The following TUB variants were observed in gnomAD, a reference collection of about 807,000 sequenced individuals.
TUB encodes the protein TUB bipartite transcription factor, also known as tubby protein homolog.
TUB carries 33 observed loss-of-function variants against 59.7 expected under a neutral mutation model. That is an observed-to-expected ratio of 0.55 (90% CI 0.42 to 0.74). The LOEUF is 0.74. Ranked by LOEUF, TUB falls within the 30% of genes least tolerant of loss-of-function variation. The pLI is 0.00. For missense variants in TUB, 659 were observed against 672.0 expected, an observed-to-expected ratio of 0.98 and a Z score of 0.21; for synonymous variants, 293 against 256.4, an observed-to-expected ratio of 1.14 and a Z score of -1.36.
intron 1 of TUB, chr11:8,039,430 ACTGC>A (rs56870342): frequency 5.0e-4 from 220 of 440,896 alleles, no homozygotes; most frequent in African/African-American, 1.9e-3. Context: ...CCTCATCTGG[ACTGC>A]CTGCCTGCCT....
chr11:8,071,186 C>G (rs1221266920), intron 2 of TUB, among the ~76,000 whole-genome samples: 1 of 152,114 alleles, frequency 6.6e-6, no homozygotes, highest in Non-Finnish European at 1.5e-5. Context: ...CCTGCGCTGC[C>G]ATCTGTCTTC....
intron 1 of TUB, among the ~76,000 whole-genome samples, chr11:8,030,654 G>A (rs1942556215): frequency 6.6e-6 from 1 of 152,174 alleles, no homozygotes; most frequent in Admixed American, 6.5e-5. Flanking sequence ...GCAGATTTCT[G>A]CAGGTGAACA....
At chr11:8,087,700 C>T (rs1178069333) in intron 1 of TUB, among the ~76,000 whole-genome samples, 1 of 152,250 alleles carries the variant, frequency 6.6e-6, no homozygotes, top group Non-Finnish European at 1.5e-5. Flanking sequence ...GGGTCTGACC[C>T]TTTCAAGTCC....
Position 8,100,831 on chromosome 11 carries a change from T to C in TUB, c.1221T>C (p.His407=), listed in dbSNP as rs745595554. Residue 407 remains histidine (H), a synonymous_variant, in exon 11 of 12, where the codon CAT becomes CAC. Coordinates refer to ENST00000299506, the MANE Select transcript of TUB (RefSeq NM_177972.3). ...AGGTGAGGCTGCCCTCCCAGGAGCATGAGACACTGCTAGCACGCTGGCAGA... is the reference window on the plus strand; with the variant it reads ...AGGTGAGGCTGCCCTCCCAGGAGCACGAGACACTGCTAGCACGCTGGCAGA... ...ERVSIRPRNE[H]ETLLARWQNK... 1 of 1,613,934 alleles carries C rather than the reference T, an allele frequency of 6.2e-7. No individual in the cohort carries two copies. The highest frequency in any genetic ancestry group is 1.1e-5 in the South Asian group (1 of 91,068).
chr11:8,077,085 G>A (rs1943462886), upstream of TUB: 1 of 152,134 alleles, frequency 6.6e-6, no homozygotes, highest in African/African-American at 2.4e-5. Flanking sequence ...TCTGTTTTAG[G>A]GCTGGCTCAT....
intron 2 of TUB, among the ~76,000 whole-genome samples, chr11:8,051,137 A>C (rs921064397): frequency 1.3e-5 from 2 of 152,204 alleles, no homozygotes; most frequent in Admixed American, 1.3e-4. Flanking sequence ...TACTGAAAAA[A>C]AAATGGGCTT....
At chr11:8,053,782 TGAGCCAC>T (rs2133758738) in intron 2 of TUB, among the ~76,000 whole-genome samples, 1 of 143,376 alleles carries the variant, frequency 7.0e-6, no homozygotes, top group South Asian at 2.4e-4. Flanking sequence ...ATTACAGGCG[TGAGCCAC>T]CGTGCCCGGC....
chr11:8,021,393 C>T (rs1461869627), intron 1 of TUB, among the ~76,000 whole-genome samples: 3 of 151,046 alleles, frequency 2.0e-5, no homozygotes, highest in Non-Finnish European at 4.4e-5. Context: ...TTGCTTGAGC[C>T]GGGGAGGCGG....
At chr11:8,055,565 C>T (rs1943007082) in intron 2 of TUB, among the ~76,000 whole-genome samples, 1 of 152,230 alleles carries the variant, frequency 6.6e-6, no homozygotes, top group Non-Finnish European at 1.5e-5. Context: ...CTTACCCTGG[C>T]CGCACAGATG....
At chr11:8,054,583 C>T (rs554656646) in intron 2 of TUB, among the ~76,000 whole-genome samples, 1 of 152,358 alleles carries the variant, frequency 6.6e-6, no homozygotes, top group South Asian at 2.1e-4. Context: ...GCCATGTCAT[C>T]TCCCAGCCCG....
rs1944418704 is a variant in TUB at position 8,104,099 on chromosome 11, C to G, written c.*2480C>G. 1 of 152,168 alleles carries G rather than the reference C, an allele frequency of 6.6e-6. No individual in the cohort carries two copies. Among genetic ancestry groups the G allele is most frequent in the Non-Finnish European group, 1.5e-5 (1 of 68,030 alleles). The allele number at this position is 152,168 out of a possible 1,614,324, so 9.4% of individuals were successfully genotyped here. On this transcript the variant is annotated 3_prime_UTR_variant, in exon 12 of 12. Coordinates refer to ENST00000299506, the MANE Select transcript of TUB (RefSeq NM_177972.3). ...ACCACTGGCCCTGGGGCCATGGGTG[C>G]ATGGACTCGTAAAGCTGCTAGGGCC...
At chr11:8,039,663 G>T in exon 2 of TUB, 1 of 1,532,284 alleles carries the variant, frequency 6.5e-7, no homozygotes, top group South Asian at 1.3e-5. Context: ...CCAGGAGGAA[G>T]TACTGGAAGG....
At chr11:8,039,385 C>G (rs1012789819) in intron 1 of TUB, 3 of 457,422 alleles carry the variant, frequency 6.6e-6, no homozygotes, top group African/African-American at 4.0e-5. Context: ...CCCCACCCCC[C>G]AGTGCTTCAT....
intron 2 of TUB, among the ~76,000 whole-genome samples, chr11:8,050,975 G>A (rs560222858): frequency 6.6e-6 from 1 of 152,346 alleles, no homozygotes; most frequent in East Asian, 1.9e-4. Flanking sequence ...GTCAAGGTGA[G>A]ACAGGAAGCT....
upstream of TUB, among the ~76,000 whole-genome samples, chr11:8,079,850 T>C (rs184192449): frequency 1.9e-4 from 29 of 152,256 alleles, no homozygotes; most frequent in African/African-American, 6.5e-4. Flanking sequence ...GATCCTTGCC[T>C]TCTCTGTGAC....
chr11:8,087,468 C>T (rs1564915969), intron 1 of TUB, among the ~76,000 whole-genome samples: 1 of 152,200 alleles, frequency 6.6e-6, no homozygotes, highest in South Asian at 2.1e-4. Flanking sequence ...GGAGGTTGCA[C>T]AGGGGCCAGG....
Position 8,101,664 on chromosome 11 carries a change from T to C in TUB, c.*45T>C. 1.2e-6 allele frequency: 2 copies of C among 1,605,012 alleles called. No homozygotes were observed. Among genetic ancestry groups the C allele is most frequent in the Non-Finnish European group, 1.7e-6 (2 of 1,175,958 alleles). Reference sequence around the variant, plus strand: ...GGGGTTGCCCAGCCTGGAGCGGAGCTTGCCTGCCTGCCTGTGGAGACAGCC... The same window carrying C: ...GGGGTTGCCCAGCCTGGAGCGGAGCCTGCCTGCCTGCCTGTGGAGACAGCC... On this transcript the variant is annotated 3_prime_UTR_variant, in exon 12 of 12. Coordinates refer to ENST00000299506, the MANE Select transcript of TUB (RefSeq NM_177972.3).
chr11:8,078,759 C>T (rs1290630162), upstream of TUB, among the ~76,000 whole-genome samples: 1 of 152,100 alleles, frequency 6.6e-6, no homozygotes, highest in African/African-American at 2.4e-5. Flanking sequence ...CTGCTGCCCC[C>T]AACTTCCCAT....
rs553231232 is a variant in TUB at position 8,067,085 on chromosome 11, G to A, written c.204-22525G>A. Among the ~76,000 whole-genome samples the A allele has an allele frequency of 5.9e-5, 9 of 152,138 alleles. No homozygotes were observed. In the South Asian group the frequency reaches 8.3e-4, roughly 14 times the overall value. ...CCTGATCTGCTCCCATTCCTCCACC[G>A]TCTGGCCTCACCAAATACTGGTCTG... On this transcript the variant is annotated intron_variant, in intron 2 of 12. Transcript: ENST00000305253.
Sources: gnomAD v4.1 joint callset for allele counts (sites outside exome capture counted in the v4.1 genomes callset) on GRCh38, gnomAD v4.1.1 for gene constraint, MANE v1.5 for transcripts, NCBI Gene and HGNC (gene_info 2026-07-23, HGNC 2026-07-21) for gene names.